The following DENND10 variants were observed in gnomAD, a reference collection of about 807,000 sequenced individuals.
DENND10 encodes DENN domain containing 10, also known as DENN domain-containing protein 10.
In DENND10, 24 loss-of-function variants were observed where a neutral mutation model predicts 43.6. The ratio of observed to expected loss-of-function variants is 0.55; its 90% CI spans 0.40 to 0.77. DENND10 has a LOEUF of 0.77. Among genes scored for constraint, DENND10 ranks in the 30% least tolerant of loss-of-function variants. The pLI is 0.00. For missense variants in DENND10, 303 were observed against 429.9 expected (o/e 0.70, Z 2.61); for synonymous variants, 125 against 157.6 (o/e 0.79, Z 1.55).
At chr10:119,114,830 C>T (rs1039326145) in intron 3 of DENND10, among the ~76,000 whole-genome samples, 2 of 151,182 alleles carry the variant, frequency 1.3e-5, no homozygotes, top group Non-Finnish European at 2.9e-5. Context: ...AATGCAGTGG[C>T]GCCACCTCGG....
intron 2 of DENND10, among the ~76,000 whole-genome samples, chr10:119,108,481 C>CAAAAA (rs371995219): frequency 1.0e-5 from 1 of 98,966 alleles, no homozygotes; most frequent in East Asian, 3.0e-4. Flanking sequence ...GACTCCGTCT[C>CAAAAA]AAAAAAAAAA....
intron 2 of DENND10, among the ~76,000 whole-genome samples, chr10:119,109,373 G>GT (rs1219002677): frequency 6.6e-6 from 1 of 152,088 alleles, no homozygotes; most frequent in African/African-American, 2.4e-5. Context: ...CAACCAGCAG[G>GT]TTTTTTCAAA....
At chr10:119,108,215 T>C (rs762467521) in intron 2 of DENND10, 51 bp downstream of exon 2, 2 of 1,347,840 alleles carry the variant, frequency 1.5e-6, no homozygotes, top group Admixed American at 1.8e-5. Context: ...CTGGGCGCGG[T>C]GGCTCATGCC....
Position 119,132,694 on chromosome 10 carries a change from G to T in DENND10, c.897+85G>T. On this transcript the variant is annotated intron_variant, in intron 8 of 8. Transcript: ENST00000361432. The surrounding 1 kb of genome is among the most constrained non-coding windows in gnomAD (Gnocchi z 4.2). ...CGGCAGAGCTGTGCACATAAGCAGA[G>T]TGGGGGGCTGTGGTAGAGGCCAGCG... 1 of 1,084,322 alleles carries T rather than the reference G, an allele frequency of 9.2e-7. No homozygotes were observed. Among genetic ancestry groups the T allele is most frequent in the Admixed American group, 1.7e-5 (1 of 58,074 alleles). The allele number at this position is 1,084,322 out of a possible 1,614,324, so 67.2% of individuals were successfully genotyped here. A position where few individuals can be genotyped will look rare whatever the true frequency, so the allele number is the denominator to read the frequency against.
chr10:119,124,193 CAAA>C (rs200369563), intron 6 of DENND10, among the ~76,000 whole-genome samples: 2 of 113,302 alleles, frequency 1.8e-5, no homozygotes, highest in Non-Finnish European at 1.9e-5. Flanking sequence ...AACTCCGTCT[CAAA>C]AAAAAAAAAA....
intron 5 of DENND10, among the ~76,000 whole-genome samples, chr10:119,122,835 C>T (rs979556693): frequency 6.8e-6 from 1 of 147,134 alleles, no homozygotes; most frequent in Non-Finnish European, 1.5e-5. Flanking sequence ...CCCTTAGACT[C>T]CCTTTCCATG....
In DENND10 at chr10:119,105,784, A is replaced by G. The variant is rs561067297; in HGVS notation, c.55+1587A>G. ...AATTAGCCGGGTGTGGTGTGCCTGT[A>G]GGTGGGAGGATTGCTTGGTCCCAGG... On this transcript the variant is annotated intron_variant, in intron 1 of 8. Transcript: ENST00000361432. 9 of 155,826 alleles carry G rather than the reference A, an allele frequency of 5.8e-5. 1 individual carries two copies. The South Asian group carries it at 1.5e-3, about 26-fold the overall frequency. 9.7% of individuals were successfully genotyped at this position (155,826 alleles called of 1,614,324 possible).
chr10:119,115,358 G>A lies in DENND10; in HGVS notation c.333-2161G>A, dbSNP rs11198783. Among the ~76,000 whole-genome samples, 4 of 142,106 alleles carry A rather than the reference G, an allele frequency of 2.8e-5. No homozygotes were observed. The Admixed American group carries it at 3.0e-4, about 11-fold the overall frequency. 93.2% of individuals were successfully genotyped at this position (142,106 alleles called of 152,430 possible). On this transcript the variant is annotated intron_variant, in intron 3 of 8. Coordinates refer to ENST00000361432, the MANE Select transcript of DENND10 (RefSeq NM_207009.4). ...ATTCATTGTTCTCTACTTTTTTTCCGTCAAGTTGTGAATTGAATTGGTAAT... is the reference window on the plus strand; with the variant it reads ...ATTCATTGTTCTCTACTTTTTTTCCATCAAGTTGTGAATTGAATTGGTAAT...
intron 3 of DENND10, among the ~76,000 whole-genome samples, chr10:119,116,672 T>C (rs200494118): frequency 8.8e-5 from 5 of 57,060 alleles, no homozygotes; most frequent in African/African-American, 2.5e-4. Flanking sequence ...TTTCTTTTTT[T>C]TTTTTTTTTT....
At chr10:119,115,445 T>C (rs1200766641) in intron 3 of DENND10, among the ~76,000 whole-genome samples, 8 of 101,490 alleles carry the variant, frequency 7.9e-5, no homozygotes, top group African/African-American at 2.7e-4. Context: ...TGGAGTGCAG[T>C]GGCGGGATCT....
chr10:119,115,155 A>C (rs1845186925), intron 3 of DENND10, among the ~76,000 whole-genome samples: 1 of 152,064 alleles, frequency 6.6e-6, no homozygotes, highest in African/African-American at 2.4e-5. Flanking sequence ...ATATGCAGTG[A>C]AAACTGAGCT....
At chr10:119,131,766 T>C (rs1393756040) in intron 7 of DENND10, among the ~76,000 whole-genome samples, 1 of 152,214 alleles carries the variant, frequency 6.6e-6, no homozygotes, top group Non-Finnish European at 1.5e-5. Context: ...AAATTCAAAC[T>C]ATGGGGTCAG....
At chr10:119,108,318 A>C (rs138283823) in intron 2 of DENND10, among the ~76,000 whole-genome samples, 154 bp downstream of exon 2, 2,383 of 152,056 alleles carry the variant, frequency 0.016, 35 homozygotes, top group Non-Finnish European at 0.025. Context: ...CCCCATCTCT[A>C]CTAAAAACAC....
At chr10:119,109,077 G>A (rs1037362703) in intron 2 of DENND10, among the ~76,000 whole-genome samples, 6 of 151,866 alleles carry the variant, frequency 4.0e-5, no homozygotes, top group South Asian at 2.1e-4. Flanking sequence ...TTAGCCGGGC[G>A]TGGTGGCGCA....
chr10:119,106,575 T>G (rs543688517), intron 1 of DENND10, among the ~76,000 whole-genome samples: 43 of 152,288 alleles, frequency 2.8e-4, no homozygotes, highest in African/African-American at 9.9e-4. Context: ...ACTTCTGGCC[T>G]CAGGCGATCC....
intron 6 of DENND10, 59 bp from the exon 7 acceptor site, chr10:119,129,456 T>C (rs1845983811): frequency 1.8e-6 from 2 of 1,124,694 alleles, no homozygotes; most frequent in Non-Finnish European, 2.7e-6. Context: ...CCCAATTCTT[T>C]TGATGGGTTC....
intron 3 of DENND10, among the ~76,000 whole-genome samples, chr10:119,112,493 C>CTTTTTTTTTTT (rs1353576739): frequency 6.0e-5 from 8 of 133,494 alleles, no homozygotes; most frequent in African/African-American, 8.4e-5. Flanking sequence ...TTTTCTTTTT[C>CTTTTTTTTTTT]TTTTTTTTTT....
At chr10:119,131,878 C>G (rs1479223654) in intron 7 of DENND10, among the ~76,000 whole-genome samples, 1 of 152,194 alleles carries the variant, frequency 6.6e-6, no homozygotes, top group Non-Finnish European at 1.5e-5. Flanking sequence ...GAAAGGGTGG[C>G]CATCTTCCTG....
At chr10:119,115,290 T>C (rs17098456) in intron 3 of DENND10, among the ~76,000 whole-genome samples, 57,400 of 151,224 alleles carry the variant, frequency 0.38, 11,109 homozygotes, top group Non-Finnish European at 0.4. Flanking sequence ...TGTGTGTGAG[T>C]TCCTGGGTTT....
Sources: allele counts gnomAD v4.1 joint callset (sites outside exome capture counted in the v4.1 genomes callset), GRCh38; gene constraint gnomAD v4.1.1; non-coding constraint Gnocchi (gnomAD v3.1); transcripts MANE v1.5; gene names NCBI Gene and HGNC (gene_info 2026-07-23, HGNC 2026-07-21).